The following ZFYVE16 variants were observed in gnomAD, a reference collection of about 807,000 sequenced individuals.
The protein encoded by ZFYVE16 is zinc finger FYVE-type containing 16.
In ZFYVE16, 89 loss-of-function variants were observed where a neutral mutation model predicts 138.1. The ratio of observed to expected loss-of-function variants is 0.64; its 90% CI spans 0.54 to 0.77. ZFYVE16 has a LOEUF of 0.77. ZFYVE16 is among the 30% of genes least tolerant of loss of function. ZFYVE16 has a pLI of 0.00. For synonymous variants in ZFYVE16, 596 were observed against 618.3 expected, an observed-to-expected ratio of 0.96 and a Z score of 0.53; for missense variants, 1,793 against 1,786.7, an observed-to-expected ratio of 1.00 and a Z score of -0.06.
intron 15 of ZFYVE16, among the ~76,000 whole-genome samples, chr5:80,460,473 A>G (rs115915237): frequency 0.013 from 1,967 of 152,276 alleles, 19 homozygotes; most frequent in Non-Finnish European, 0.023. Context: ...TTATTTAAGA[A>G]ATCTATCATA....
chr5:80,417,280 C>A (rs894586533), intron 1 of ZFYVE16, among the ~76,000 whole-genome samples: 13 of 152,142 alleles, frequency 8.5e-5, no homozygotes, highest in Admixed American at 5.9e-4. Context: ...ATTCCTACGT[C>A]CCCTGTGATG....
At chr5:80,426,744 A>T (rs951557929) in intron 1 of ZFYVE16, among the ~76,000 whole-genome samples, 1 of 152,204 alleles carries the variant, frequency 6.6e-6, no homozygotes, top group Non-Finnish European at 1.5e-5. Context: ...TATTGTGAAC[A>T]TACACATGCA....
At chr5:80,427,942 A>G (rs1748356452) in intron 2 of ZFYVE16, among the ~76,000 whole-genome samples, 1 of 121,946 alleles carries the variant, frequency 8.2e-6, no homozygotes, top group South Asian at 2.9e-4. Flanking sequence ...ACTGCACTCT[A>G]GCATGCGTGA....
At chr5:80,433,074 A>T (rs1405379321) in intron 2 of ZFYVE16, among the ~76,000 whole-genome samples, 1 of 152,222 alleles carries the variant, frequency 6.6e-6, no homozygotes, top group Non-Finnish European at 1.5e-5. Flanking sequence ...TGACCCAGCC[A>T]TCCCATTACT....
chr5:80,465,861 A>G (rs1307271470), intron 15 of ZFYVE16, among the ~76,000 whole-genome samples: 3 of 151,100 alleles, frequency 2.0e-5, no homozygotes, highest in Non-Finnish European at 4.4e-5. Flanking sequence ...AGTTTATAGT[A>G]TACTTGGAAT....
At chr5:80,421,419 A>G (rs1747151823) in intron 1 of ZFYVE16, among the ~76,000 whole-genome samples, 1 of 152,208 alleles carries the variant, frequency 6.6e-6, no homozygotes, top group South Asian at 2.1e-4. Context: ...TAGGGTTTTT[A>G]TGGTTTTAGG....
At chr5:80,418,178 CTCCTT>C (rs959747398) in intron 1 of ZFYVE16, among the ~76,000 whole-genome samples, 12 of 150,586 alleles carry the variant, frequency 8.0e-5, no homozygotes, top group South Asian at 4.2e-4. Flanking sequence ...TGCCTTTTCT[CTCCTT>C]TCCTTTCCTT....
In ZFYVE16 at chr5:80,482,044, C is replaced by A. The variant is rs1202990642; in HGVS notation, c.*4667C>A. Among the ~76,000 whole-genome samples, 2 of 152,190 alleles carry A rather than the reference C, an allele frequency of 1.3e-5. No homozygotes were observed. Among genetic ancestry groups the A allele is most frequent in the Non-Finnish European group, 2.9e-5 (2 of 68,032 alleles). On this transcript the variant is annotated 3_prime_UTR_variant, in exon 19 of 19. Coordinates refer to ENST00000505560, the MANE Select transcript of ZFYVE16 (RefSeq NM_001284236.3). ...CCACGTTGGCCAGGCTGGTCTCAAA[C>A]TCCTGACCTCAAGTGATCTGCCTGC...
intron 15 of ZFYVE16, among the ~76,000 whole-genome samples, chr5:80,472,521 G>A (rs1009912711): frequency 6.6e-6 from 1 of 151,760 alleles, no homozygotes; most frequent in African/African-American, 2.4e-5. Flanking sequence ...GGGCTATCTG[G>A]TACCAGTTAT....
intron 1 of ZFYVE16, among the ~76,000 whole-genome samples, chr5:80,413,880 A>G (rs1394908658): frequency 6.6e-6 from 1 of 152,162 alleles, no homozygotes; most frequent in Non-Finnish European, 1.5e-5. Context: ...TAGTTTACTC[A>G]TTTCCTATTA....
intron 4 of ZFYVE16, among the ~76,000 whole-genome samples, 178 bp from the exon 5 acceptor site, chr5:80,439,756 CAT>C (rs1399832517): frequency 6.6e-6 from 1 of 151,926 alleles, no homozygotes; most frequent in African/African-American, 2.4e-5. Context: ...GCAGAAACCT[CAT>C]TTAAGTTACA....
intron 15 of ZFYVE16, among the ~76,000 whole-genome samples, chr5:80,471,886 A>G (rs1754419252): frequency 6.6e-6 from 1 of 152,198 alleles, no homozygotes; most frequent in South Asian, 2.1e-4. Flanking sequence ...TTACCGGTCC[A>G]CACTAATTTG....
In ZFYVE16 at chr5:80,442,727, T is replaced by C. The variant is rs141741819; in HGVS notation, c.2420-396T>C. Among the ~76,000 whole-genome samples the C allele has an allele frequency of 6.2e-4, 95 of 152,292 alleles. No individual in the cohort carries two copies. In the Middle Eastern group the frequency reaches 0.01, roughly 16 times the overall value. ...ATTGTAACAACTTAAATTTTCACTT[T>C]AGGTAGCCATTAAAGGATTTTAAAC... On this transcript the variant is annotated intron_variant, in intron 5 of 18. Coordinates refer to ENST00000505560, the MANE Select transcript of ZFYVE16 (RefSeq NM_001284236.3).
rs556228606 is a variant in ZFYVE16, at chr5:80,466,967, A to C, written c.4025-5794A>C. Reference sequence around the variant, plus strand: ...AGAAGCCTTGAAAACCAGCAGGCTTATAGCCAGTGGTGGGGGCAGTAAGGG... The same window carrying C: ...AGAAGCCTTGAAAACCAGCAGGCTTCTAGCCAGTGGTGGGGGCAGTAAGGG... On this transcript the variant is annotated intron_variant, in intron 15 of 18. Coordinates refer to ENST00000505560, the MANE Select transcript of ZFYVE16 (RefSeq NM_001284236.3). Among the ~76,000 whole-genome samples the C allele has an allele frequency of 7.9e-5, 12 of 152,340 alleles. No individual in the cohort carries two copies. The South Asian group carries it at 1.9e-3, about 24-fold the overall frequency.
At chr5:80,407,939 G>A (rs985486418), upstream of ZFYVE16, 5 of 152,400 alleles carry the variant, frequency 3.3e-5, no homozygotes, top group African/African-American at 4.8e-5. Flanking sequence ...AGCGCCCCGG[G>A]CCTGGAGACG....
chr5:80,410,002 T>C (rs1745188238), intron 1 of ZFYVE16: 1 of 152,268 alleles, frequency 6.6e-6, no homozygotes, highest in Non-Finnish European at 1.5e-5. Context: ...CACATTACTT[T>C]TGATGCCTGT....
chr5:80,440,063 G>A (rs1433212269), intron 5 of ZFYVE16, 31 bp downstream of exon 5: 3 of 1,566,960 alleles, frequency 1.9e-6, no homozygotes, highest in Non-Finnish European at 2.6e-6. Context: ...TTTTCTTCCA[G>A]TAATTGAATA....
intron 18 of ZFYVE16, among the ~76,000 whole-genome samples, chr5:80,475,164 G>C (rs2112560226): frequency 6.6e-6 from 1 of 152,328 alleles, no homozygotes; most frequent in Middle Eastern, 3.4e-3. Context: ...TGTTTACCCA[G>C]TGGGGCCAAG....
rs33910155 is a variant in ZFYVE16 at position 80,480,432 on chromosome 5, G to GAAAA, written c.*3061_*3064dup. Among the ~76,000 whole-genome samples, 1 of 150,472 alleles carries GAAAA rather than the reference G, an allele frequency of 6.6e-6. No individual in the cohort carries two copies. On this transcript the variant is annotated 3_prime_UTR_variant, in exon 19 of 19. Coordinates refer to ENST00000505560, the MANE Select transcript of ZFYVE16 (RefSeq NM_001284236.3). ...CAGTGCACCATGGGAGAAACAGCTG[G>GAAAA]AAAAAAAAACAGAAGACCTGTAGAG...
Sources: gnomAD v4.1 joint callset for allele counts (sites outside exome capture counted in the v4.1 genomes callset) on GRCh38, gnomAD v4.1.1 for gene constraint, MANE v1.5 for transcripts, NCBI Gene and HGNC (gene_info 2026-07-23, HGNC 2026-07-21) for gene names.